RFX3: variants seen among roughly 807,000 people sequenced by gnomAD.
RFX3 encodes the protein regulatory factor X3.
In RFX3, 14 loss-of-function variants were observed where a neutral mutation model predicts 98.6. That is an observed-to-expected ratio of 0.14 (90% confidence interval 0.09 to 0.22). The LOEUF is 0.22. Ranked by LOEUF, RFX3 falls within the 10% of genes least tolerant of loss-of-function variation. The pLI, the probability that RFX3 is intolerant of heterozygous loss-of-function variation, is 1.00. For missense variants in RFX3, 639 were observed against 926.9 expected, an observed-to-expected ratio of 0.69 and a Z score of 4.03; for synonymous variants, 383 against 328.4, an observed-to-expected ratio of 1.17 and a Z score of -1.80.
chr9:3,459,873 G>C (rs1420796898), intron 1 of RFX3, among the ~76,000 whole-genome samples: 2 of 152,010 alleles, frequency 1.3e-5, no homozygotes, highest in African/African-American at 4.8e-5. Context: ...ATTTCATTTT[G>C]AAAGTATTTT....
intron 2 of RFX3, among the ~76,000 whole-genome samples, chr9:3,347,054 C>T (rs1279695704): frequency 1.3e-5 from 2 of 152,176 alleles, no homozygotes; most frequent in Non-Finnish European, 2.9e-5. Flanking sequence ...GGCACGGTGG[C>T]TTACTCCTGT....
At chr9:3,411,325 C>T (rs1000261049) in intron 1 of RFX3, among the ~76,000 whole-genome samples, 4 of 152,010 alleles carry the variant, frequency 2.6e-5, no homozygotes, top group African/African-American at 9.7e-5. Flanking sequence ...GTCTTTCTTT[C>T]CCCCTTTCTC....
intron 1 of RFX3, among the ~76,000 whole-genome samples, chr9:3,414,550 T>A (rs1842733044): frequency 6.7e-6 from 1 of 149,840 alleles, no homozygotes; most frequent in African/African-American, 2.4e-5. Flanking sequence ...TATATGAGTG[T>A]GTATATATAT....
intron 6 of RFX3, 148 bp from the exon 7 acceptor site, chr9:3,288,398 CTTTTATGT>C: frequency 1.6e-6 from 1 of 627,604 alleles, no homozygotes; most frequent in South Asian, 2.1e-5. Context: ...GTTCTGAATA[CTTTTATGT>C]TTTTATGGTG....
intron 2 of RFX3, among the ~76,000 whole-genome samples, chr9:3,368,099 C>T (rs1022009146): frequency 6.6e-6 from 1 of 152,192 alleles, no homozygotes; most frequent in Non-Finnish European, 1.5e-5. Context: ...AATTGTTCCA[C>T]TGTTGATCTT....
chr9:3,509,885 T>C (rs550518985), intron 1 of RFX3, among the ~76,000 whole-genome samples: 4 of 152,110 alleles, frequency 2.6e-5, no homozygotes, highest in South Asian at 2.1e-4. Context: ...TGATGTTCTA[T>C]GTCATTGTAC....
intron 14 of RFX3, among the ~76,000 whole-genome samples, chr9:3,253,163 T>A (rs1415258586): frequency 6.6e-6 from 1 of 152,196 alleles, no homozygotes; most frequent in Non-Finnish European, 1.5e-5. Flanking sequence ...TCTTTATAAC[T>A]CATGGCGTGG....
rs879839530 is a variant in RFX3 at position 3,459,990 on chromosome 9, TA to T, written c.-8-64395del. 2.6e-5 allele frequency among the ~76,000 whole-genome samples: 4 copies of T among 152,162 alleles called. No individual in the cohort carries two copies. The East Asian group carries it at 7.7e-4, about 29-fold the overall frequency. Reference sequence around the variant, plus strand: ...CTTTTGTAATCGAGGAAAGGGGTTTTAAATAATGATATAGTGACATGATGGA... The same window carrying T: ...CTTTTGTAATCGAGGAAAGGGGTTTTAATAATGATATAGTGACATGATGGA... On this transcript the variant is annotated intron_variant, in intron 1 of 16. Coordinates refer to ENST00000617270, the MANE Select transcript of RFX3 (RefSeq NM_001282116.2).
rs571011129 is a variant in RFX3 at position 3,393,815 on chromosome 9, G to A, written c.117+1657C>T. Reference sequence around the variant, plus strand: ...CATAAAGATGACAATAAGAGATACTGGGGACTCTAAAAGGAGAGAGGGTGG... The same window carrying A: ...CATAAAGATGACAATAAGAGATACTAGGGACTCTAAAAGGAGAGAGGGTGG... On this transcript the variant is annotated intron_variant, in intron 2 of 16. Coordinates refer to ENST00000617270, the MANE Select transcript of RFX3 (RefSeq NM_001282116.2). Among the ~76,000 whole-genome samples the A allele has an allele frequency of 1.2e-3, 177 of 152,230 alleles. 2 individuals are homozygous for A. The highest frequency in any genetic ancestry group is 1.8e-3 in the Non-Finnish European group (122 of 68,020).
At chr9:3,389,851 T>C (rs964024997) in intron 2 of RFX3, among the ~76,000 whole-genome samples, 3 of 152,146 alleles carry the variant, frequency 2.0e-5, no homozygotes, top group African/African-American at 4.8e-5. Context: ...AGTACTTCTG[T>C]TCCCAGGCAT....
intron 1 of RFX3, among the ~76,000 whole-genome samples, chr9:3,511,308 T>TA (rs1428119291): frequency 4.6e-5 from 7 of 152,128 alleles, no homozygotes; most frequent in Non-Finnish European, 7.4e-5. Flanking sequence ...GTCTGCTCAT[T>TA]ATAGAATAGT....
intron 1 of RFX3, among the ~76,000 whole-genome samples, chr9:3,501,750 C>T (rs1379769260): frequency 1.3e-5 from 2 of 151,202 alleles, no homozygotes; most frequent in African/African-American, 2.4e-5. Context: ...AGAGACAGGG[C>T]TTCACCACGT....
At position 3,225,015 on chromosome 9, in the gene RFX3, A is replaced by T; in HGVS notation, c.*27T>A. 6.2e-7 allele frequency: 1 copy of T among 1,607,214 alleles called. No homozygotes were observed. Among genetic ancestry groups the T allele is most frequent in the East Asian group, 2.2e-5 (1 of 44,826 alleles). On this transcript the variant is annotated 3_prime_UTR_variant, in exon 17 of 17. Transcript: ENST00000617270. ...GCCCAATATCAACAGGGTTAATGTA[A>T]GCTGGAAAAATACGCTTTAATATTC...
rs1262687069 is a variant in RFX3 at position 3,288,216 on chromosome 9, C to T, written c.766G>A (p.Val256Ile). Residue 256 changes from valine (V) to isoleucine (I), a missense_variant, in exon 7 of 17, where the codon GTC (valine) becomes ATC (isoleucine). Val to Ile is a conservative substitution (Grantham distance 29, BLOSUM62 3). Around this residue, in one of 9 missense-constraint regions of RFX3, gnomAD observed 24 missense variants for 74.5 expected, o/e 0.32. Transcript: ENST00000617270. ...CGATTAAGAGGGGAATCTGGCTTGA[C>T]ACGAATCCCATAGTAGTGGTATTTG... ...NSKYHYYGIR[V>I]KPDSPLNRLQ... is the part of the protein sequence containing the mutation. 6.2e-7 allele frequency: 1 copy of T among 1,612,556 alleles called. No individual in the cohort carries two copies. The highest frequency in any genetic ancestry group is 8.5e-7 in the Non-Finnish European group (1 of 1,178,842).
chr9:3,228,687 A>T (rs1818086099), intron 16 of RFX3, among the ~76,000 whole-genome samples, 160 bp downstream of exon 16: 1 of 152,226 alleles, frequency 6.6e-6, no homozygotes, highest in African/African-American at 2.4e-5. Flanking sequence ...GGATGGGGAA[A>T]AATGGAGAAA....
intron 1 of RFX3, among the ~76,000 whole-genome samples, chr9:3,445,800 A>G (rs1845996742): frequency 6.6e-6 from 1 of 152,252 alleles, no homozygotes; most frequent in Admixed American, 6.5e-5. Context: ...ACATACTAAG[A>G]TCTTTCAAAG....
intron 15 of RFX3, among the ~76,000 whole-genome samples, chr9:3,242,970 G>A (rs912797307): frequency 1.3e-5 from 2 of 151,816 alleles, no homozygotes; most frequent in African/African-American, 4.8e-5. Context: ...TAAAAGGTTT[G>A]TAACAAAATC....
At chr9:3,320,755 G>T (rs1831183298) in intron 4 of RFX3, among the ~76,000 whole-genome samples, 1 of 101,822 alleles carries the variant, frequency 9.8e-6, no homozygotes, top group Non-Finnish European at 1.9e-5. Flanking sequence ...TACATATAAT[G>T]CATGCTACAT....
intron 7 of RFX3, among the ~76,000 whole-genome samples, chr9:3,282,096 G>A (rs772004833): frequency 4.7e-4 from 72 of 151,736 alleles, no homozygotes; most frequent in Non-Finnish European, 9.0e-4. Context: ...TCAGAACAAG[G>A]GCAGGAGGCT....
Sources: allele counts gnomAD v4.1 joint callset (sites outside exome capture counted in the v4.1 genomes callset), GRCh38; gene constraint gnomAD v4.1.1; regional missense constraint gnomAD v4.1.1; transcripts MANE v1.5; gene names NCBI Gene and HGNC (gene_info 2026-07-23, HGNC 2026-07-21).